Variants in CFAP92 observed in about 807,000 individuals in gnomAD.
CFAP92 encodes the protein cilia and flagella associated protein 92 (putative).
A neutral mutation model predicts 106.3 loss-of-function variants in CFAP92; 86 were observed. The observed-to-expected ratio is 0.81, with a 90% CI of 0.68 to 0.97. The LOEUF (loss-of-function observed/expected upper bound fraction) is 0.97. Among genes scored for constraint, CFAP92 ranks in the 50% least tolerant of loss-of-function variants. The probability of loss-of-function intolerance (pLI) is 0.00; values close to 1 mark genes in which losing one functional copy is unlikely to be tolerated. For synonymous variants in CFAP92, 477 were observed against 506.4 expected (o/e 0.94, Z 0.78); for missense variants, 1,204 against 1,283.8 (o/e 0.94, Z 0.95).
intron 9 of CFAP92, among the ~76,000 whole-genome samples, chr3:128,961,409 C>T (rs968678935): frequency 1.3e-4 from 20 of 152,150 alleles, no homozygotes; most frequent in African/African-American, 4.6e-4. Context: ...CTCACCAGGC[C>T]GAGCTAGGTC....
At chr3:129,001,495 CG>C in intron 1 of CFAP92, 1 of 1,278,504 alleles carries the variant, frequency 7.8e-7, no homozygotes, top group Non-Finnish European at 1.0e-6. Flanking sequence ...CTGCTGGACA[CG>C]GTCCCCGGCG....
chr3:128,994,255 T>G (rs1158231351), upstream of CFAP92: 1 of 563,098 alleles, frequency 1.8e-6, no homozygotes, highest in East Asian at 1.4e-4. Context: ...AGAAACCAGC[T>G]GCCTTCATTC....
chr3:128,985,098 AT>A (rs1184721906), intron 4 of CFAP92, among the ~76,000 whole-genome samples: 1 of 152,208 alleles, frequency 6.6e-6, no homozygotes, highest in Admixed American at 6.5e-5. Context: ...GGAAAAACTT[AT>A]TTAAATAAGA....
chr3:128,942,624 C>T (rs1159134741), intron 10 of CFAP92, among the ~76,000 whole-genome samples: 1 of 152,232 alleles, frequency 6.6e-6, no homozygotes, highest in East Asian at 1.9e-4. Context: ...AAGGGCAGAG[C>T]CCAGACTGCT....
At chr3:128,924,058 C>G (rs892816423) in intron 12 of CFAP92, among the ~76,000 whole-genome samples, 2 of 152,148 alleles carry the variant, frequency 1.3e-5, no homozygotes, top group African/African-American at 2.4e-5. Flanking sequence ...TCGGGAGAGA[C>G]AGCTGCCGTC....
chr3:128,949,768 C>T (rs934072409), intron 9 of CFAP92, among the ~76,000 whole-genome samples: 2 of 152,220 alleles, frequency 1.3e-5, no homozygotes, highest in African/African-American at 2.4e-5. Context: ...CTCACGGCAA[C>T]CTCTGCCTCC....
Position 128,988,823 on chromosome 3 carries a change from C to T in CFAP92, c.358G>A (p.Glu120Lys). The change falls in exon 3 of 16, where the codon GAG becomes AAG. Residue 120 changes from glutamate to lysine, a missense_variant. Glu to Lys is a moderately conservative substitution (Grantham distance 56). Transcript: ENST00000645291. ...VTKMRRFYHIEYFLLPDDEEP... is the reference protein window; with the variant it reads ...VTKMRRFYHIKYFLLPDDEEP... Reference sequence around the variant, plus strand: ...TCATCGTCCGGCAGAAGGAAATACTCAATGTGGTAAAAACGACGCATCTTT... The same window carrying T: ...TCATCGTCCGGCAGAAGGAAATACTTAATGTGGTAAAAACGACGCATCTTT... The T allele has an allele frequency of 6.2e-7, 1 of 1,613,748 alleles. No homozygotes were observed. Among genetic ancestry groups the T allele is most frequent in the Non-Finnish European group, 8.5e-7 (1 of 1,179,834 alleles).
intron 13 of CFAP92, 109 bp from the exon 14 acceptor site, chr3:128,915,672 T>C (rs972283702): frequency 1.4e-6 from 1 of 716,006 alleles, no homozygotes; most frequent in Non-Finnish European, 2.3e-6. Context: ...TTCCTGACAA[T>C]GTAAATAGTG....
chr3:128,912,650 G>T, intron 15 of CFAP92: 1 of 1,509,944 alleles, frequency 6.6e-7, no homozygotes. Context: ...CCCTACCCAT[G>T]GCCCGTTGCT....
rs1052566857 is a variant in CFAP92 at position 129,001,795 on chromosome 3, A to G, written n.117+779T>C. 6 of 1,544,812 alleles carry G rather than the reference A, an allele frequency of 3.9e-6. No individual in the cohort carries two copies. The African/African-American group carries it at 6.9e-5, about 18-fold the overall frequency. ...ATCGTGGTGCTGGCCACCGGCCTGG[A>G]CCAGTACCTGCAGGAGGTCTTCCAC... On this transcript the variant is annotated intron_variant and non_coding_transcript_variant, in intron 1 of 4. Transcript: ENST00000510149.
chr3:129,015,610 G>C, the CFAP92 span, among the ~76,000 whole-genome samples: 1 of 152,142 alleles, frequency 6.6e-6, no homozygotes, highest in South Asian at 2.1e-4. Flanking sequence ...GAGTGTCCGT[G>C]TCTGCTCGCA....
chr3:128,998,201 T>C (rs186613275), upstream of CFAP92, among the ~76,000 whole-genome samples: 139 of 152,354 alleles, frequency 9.1e-4, no homozygotes, highest in African/African-American at 3.2e-3. Context: ...ATATAAGTCC[T>C]TTACTGGGCA....
At chr3:129,001,586 G>C in intron 1 of CFAP92, 1 of 1,347,658 alleles carries the variant, frequency 7.4e-7, no homozygotes, top group Non-Finnish European at 9.5e-7. Flanking sequence ...CGGGGCGAAG[G>C]GACCGGAGGA....
At chr3:129,004,191 G>A, upstream of CFAP92, 1 of 1,236,594 alleles carries the variant, frequency 8.1e-7, no homozygotes, top group Non-Finnish European at 1.0e-6. Context: ...GTTTCTCCAT[G>A]CGTTTATTCA....
intron 12 of CFAP92, among the ~76,000 whole-genome samples, chr3:128,923,320 C>T (rs1412763357): frequency 6.6e-6 from 1 of 152,092 alleles, no homozygotes; most frequent in African/African-American, 2.4e-5. Context: ...GACATCAACC[C>T]CCATAACATG....
Position 128,978,161 on chromosome 3 carries a change from T to C in CFAP92, c.692A>G (p.Gln231Arg). The change falls in exon 5 of 16, where the codon CAG (glutamine) becomes CGG (arginine). Residue 231 changes from glutamine (Q) to arginine (R), a missense_variant. By Grantham distance (43) the Gln-to-Arg change is conservative. Coordinates refer to ENST00000645291, the MANE Select transcript of CFAP92 (RefSeq NM_001394090.1). The part of the protein sequence containing the change: ...KSEVRHLVLN[Q>R]RKLSEQGIEN... ...AATGCCCTGTTCAGATAATTTTCTC[T>C]GATTTAAAACCAAATGTCTCACTTC... is the stretch of plus-strand genomic sequence containing the variant. The C allele has an allele frequency of 6.2e-7, 1 of 1,613,840 alleles. No homozygotes were observed. Among genetic ancestry groups the C allele is most frequent in the Non-Finnish European group, 8.5e-7 (1 of 1,179,800 alleles).
chr3:128,995,513 T>G (rs540422983), upstream of CFAP92, among the ~76,000 whole-genome samples: 34 of 152,294 alleles, frequency 2.2e-4, no homozygotes, highest in African/African-American at 7.5e-4. Context: ...GCTACTCAGA[T>G]ACACCAGCCC....
In CFAP92 at chr3:128,936,824, C is replaced by T. The variant is rs1163605323; in HGVS notation, c.2259-1505G>A. On this transcript the variant is annotated intron_variant, in intron 10 of 15. Coordinates refer to ENST00000645291, the MANE Select transcript of CFAP92 (RefSeq NM_001394090.1). Reference sequence around the variant, plus strand: ...GTACCTCAAATTGTAATTCTTGCTTCCCAAATAAAATTTTTAAATTTAGAG... The same window carrying T: ...GTACCTCAAATTGTAATTCTTGCTTTCCAAATAAAATTTTTAAATTTAGAG... Among the ~76,000 whole-genome samples the T allele has an allele frequency of 3.9e-5, 6 of 152,268 alleles. No individual in the cohort carries two copies. In the East Asian group the frequency reaches 1.2e-3, roughly 29 times the overall value.
At chr3:128,977,999 C>A in intron 5 of CFAP92, 46 bp downstream of exon 5, 1 of 1,610,072 alleles carries the variant, frequency 6.2e-7, no homozygotes, top group Non-Finnish European at 8.5e-7. Flanking sequence ...GCTTTCCCTG[C>A]CATCGCCTTG....
Sources: allele counts gnomAD v4.1 joint callset (sites outside exome capture counted in the v4.1 genomes callset), GRCh38; gene constraint gnomAD v4.1.1; transcripts MANE v1.5; gene names NCBI Gene and HGNC (gene_info 2026-07-23, HGNC 2026-07-21).